The following NSUN6 variants were observed in gnomAD, a reference collection of about 807,000 sequenced individuals.
NSUN6 encodes the protein tRNA (cytosine(72)-C(5))-methyltransferase NSUN6.
A neutral mutation model predicts 58.0 loss-of-function variants in NSUN6; 64 were observed. That is an observed-to-expected ratio of 1.10 (90% confidence interval 0.90 to 1.36). NSUN6 has a LOEUF of 1.36. Among genes scored for constraint, NSUN6 ranks in the 40% most tolerant of loss-of-function variants. The pLI is 0.00. For synonymous variants in NSUN6, 231 were observed against 193.9 expected (o/e 1.19, Z -1.59); for missense variants, 701 against 550.1 (o/e 1.27, Z -2.74).
chr10:18,575,801 C>T (rs2056618065), intron 8 of NSUN6, among the ~76,000 whole-genome samples: 1 of 152,168 alleles, frequency 6.6e-6, no homozygotes, highest in South Asian at 2.1e-4. Context: ...GCTGATACTC[C>T]TACCTTTGAA....
chr10:18,617,213 A>G (rs939279140), intron 3 of NSUN6, among the ~76,000 whole-genome samples: 8 of 146,280 alleles, frequency 5.5e-5, no homozygotes, highest in Admixed American at 2.7e-4. Flanking sequence ...TTTGAGACCA[A>G]GTCTTTCTCT....
At chr10:18,562,999 G>A (rs904323108) in intron 8 of NSUN6, among the ~76,000 whole-genome samples, 3 of 149,758 alleles carry the variant, frequency 2.0e-5, no homozygotes, top group Non-Finnish European at 3.0e-5. Flanking sequence ...AATGGAAAAT[G>A]TAACAAATGG....
intron 8 of NSUN6, among the ~76,000 whole-genome samples, chr10:18,562,352 G>A (rs551471433): frequency 6.1e-5 from 9 of 147,782 alleles, no homozygotes; most frequent in Admixed American, 1.4e-4. Flanking sequence ...AATGGACTGC[G>A]AAACGGAATA....
chr10:18,657,652 T>C (rs2059792067), upstream of NSUN6, among the ~76,000 whole-genome samples: 2 of 152,186 alleles, frequency 1.3e-5, no homozygotes, highest in South Asian at 2.1e-4. Context: ...TCTCACTCTG[T>C]CGCCAGGCTG....
chr10:18,650,353 G>A (rs1377270006), intron 1 of NSUN6, among the ~76,000 whole-genome samples: 2 of 151,958 alleles, frequency 1.3e-5, no homozygotes, highest in Non-Finnish European at 2.9e-5. Flanking sequence ...CATTTACTGA[G>A]GACTTTAGCA....
chr10:18,632,972 C>A (rs1277309910), intron 3 of NSUN6, among the ~76,000 whole-genome samples: 3 of 152,070 alleles, frequency 2.0e-5, no homozygotes, highest in Non-Finnish European at 4.4e-5. Context: ...TTTATTCCGG[C>A]ATTATTCACA....
At chr10:18,546,222 G>C (rs2054251594) in intron 10 of NSUN6, 77 bp from the exon 11 acceptor site, 1 of 1,013,878 alleles carries the variant, frequency 9.9e-7, no homozygotes, top group Admixed American at 1.7e-5. Flanking sequence ...TAAGTTAAAA[G>C]ACAAATTGGG....
chr10:18,639,880 G>A (rs2059339548), intron 3 of NSUN6, among the ~76,000 whole-genome samples: 1 of 152,218 alleles, frequency 6.6e-6, no homozygotes, highest in African/African-American at 2.4e-5. Context: ...CTGGTAATAT[G>A]TCTCCAACTA....
At chr10:18,549,668 A>G (rs2054488423) in intron 9 of NSUN6, among the ~76,000 whole-genome samples, 2 of 152,246 alleles carry the variant, frequency 1.3e-5, no homozygotes, top group Non-Finnish European at 2.9e-5. Context: ...TGTTGAATAA[A>G]TTAATCAGGA....
At chr10:18,589,767 A>G (rs537751685) in intron 7 of NSUN6, among the ~76,000 whole-genome samples, 2 of 152,292 alleles carry the variant, frequency 1.3e-5, no homozygotes, top group Non-Finnish European at 2.9e-5. Flanking sequence ...AGCACTAAAT[A>G]TGGAAAGGAA....
At chr10:18,554,756 G>A (rs1007030881) in intron 8 of NSUN6, among the ~76,000 whole-genome samples, 2 of 151,318 alleles carry the variant, frequency 1.3e-5, no homozygotes, top group Admixed American at 6.6e-5. Flanking sequence ...AATGGAGAAT[G>A]GAATGTAATG....
chr10:18,648,611 C>T lies in NSUN6; in HGVS notation c.110G>A (p.Arg37Lys), dbSNP rs560535886. 7.5e-6 allele frequency: 12 copies of T among 1,605,574 alleles called. No homozygotes were observed. The highest frequency in any genetic ancestry group is 5.5e-5 in the South Asian group (5 of 90,722). The change falls in exon 2 of 11, where the codon AGG becomes AAG. Residue 37 changes from arginine (R) to lysine (K), a missense_variant. Transcript: ENST00000377304. ...VTALGKQEAE[R>K]KFETLLKHLS... ...GTGCTTTAACAAAGTTTCAAACTTC[C>T]TTTCTGCTTCTTGTTTACCTAAAGC...
intron 9 of NSUN6, among the ~76,000 whole-genome samples, chr10:18,549,313 C>T (rs2054468508): frequency 6.6e-6 from 1 of 152,172 alleles, no homozygotes; most frequent in Non-Finnish European, 1.5e-5. Flanking sequence ...GTTTCTGGAA[C>T]ACACAAGACA....
chr10:18,633,637 G>GA (rs1189656975), intron 3 of NSUN6, among the ~76,000 whole-genome samples: 5 of 151,036 alleles, frequency 3.3e-5, no homozygotes, highest in Middle Eastern at 3.2e-3. Flanking sequence ...TGCACTTAGT[G>GA]AAAAAAAAAT....
At chr10:18,634,124 A>G (rs1198478776) in intron 3 of NSUN6, among the ~76,000 whole-genome samples, 1 of 152,274 alleles carries the variant, frequency 6.6e-6, no homozygotes, top group African/African-American at 2.4e-5. Flanking sequence ...TGGCACACAC[A>G]TACACAAAAA....
chr10:18,599,341 C>T (rs1691985861), intron 6 of NSUN6, among the ~76,000 whole-genome samples: 1 of 152,104 alleles, frequency 6.6e-6, no homozygotes, highest in Non-Finnish European at 1.5e-5. Flanking sequence ...ATCCTCCTGC[C>T]TTGGCCTCCC....
intron 3 of NSUN6, among the ~76,000 whole-genome samples, chr10:18,630,005 T>C (rs1366137107): frequency 2.0e-5 from 3 of 150,046 alleles, no homozygotes; most frequent in Non-Finnish European, 4.4e-5. Flanking sequence ...TACTTGGAAG[T>C]AAAGCTCTCC....
chr10:18,652,629 C>G, upstream of NSUN6: 1 of 886,584 alleles, frequency 1.1e-6, no homozygotes, highest in South Asian at 5.2e-5. Flanking sequence ...GGTGGGATCT[C>G]GACTCACTGC....
At chr10:18,603,501 G>A (rs1047137021) in intron 6 of NSUN6, among the ~76,000 whole-genome samples, 2 of 147,814 alleles carry the variant, frequency 1.4e-5, no homozygotes, top group African/African-American at 2.5e-5. Context: ...ATGGAGTCTC[G>A]CTCTTGTCGC....
Sources: gnomAD v4.1 joint callset for allele counts (sites outside exome capture counted in the v4.1 genomes callset) on GRCh38, gnomAD v4.1.1 for gene constraint, MANE v1.5 for transcripts, NCBI Gene and HGNC (gene_info 2026-07-23, HGNC 2026-07-21) for gene names.